The following NAALADL2 variants were observed in gnomAD, a reference collection of about 807,000 sequenced individuals.
NAALADL2 encodes N-acetylated alpha-linked acidic dipeptidase like 2.
NAALADL2 carries 76 observed loss-of-function variants against 87.2 expected under a neutral mutation model. The ratio of observed to expected loss-of-function variants is 0.87; its 90% CI spans 0.72 to 1.05. The LOEUF is 1.05. NAALADL2 is among the 50% of genes least tolerant of loss of function. NAALADL2 has a pLI of 0.00. For synonymous variants in NAALADL2, 354 were observed against 331.0 expected, an observed-to-expected ratio of 1.07 and a Z score of -0.75; for missense variants, 1,089 against 945.8, an observed-to-expected ratio of 1.15 and a Z score of -1.99.
intron 2 of NAALADL2, among the ~76,000 whole-genome samples, chr3:175,163,844 T>G (rs931561246): frequency 6.6e-6 from 1 of 152,174 alleles, no homozygotes; most frequent in Non-Finnish European, 1.5e-5. Flanking sequence ...GGAAGAAAAT[T>G]CAATGATTCA....
At chr3:174,966,582 A>T (rs1274560680) in intron 1 of NAALADL2, among the ~76,000 whole-genome samples, 1 of 152,174 alleles carries the variant, frequency 6.6e-6, no homozygotes, top group East Asian at 1.9e-4. Flanking sequence ...AGAGTGACAA[A>T]CAGATTTTTC....
intron 5 of NAALADL2, among the ~76,000 whole-genome samples, chr3:175,368,617 T>C (rs1308294335): frequency 6.6e-6 from 1 of 151,832 alleles, no homozygotes; most frequent in Non-Finnish European, 1.5e-5. Flanking sequence ...TATGTATATA[T>C]GTAGCAAATA....
intron 2 of NAALADL2, among the ~76,000 whole-genome samples, chr3:175,164,917 G>C (rs1733766504): frequency 6.6e-6 from 1 of 152,118 alleles, no homozygotes; most frequent in Non-Finnish European, 1.5e-5. Context: ...CAAAGGAATT[G>C]TGGAGAAAGG....
chr3:175,659,453 A>G (rs1731955129), intron 11 of NAALADL2, among the ~76,000 whole-genome samples: 1 of 152,188 alleles, frequency 6.6e-6, no homozygotes, highest in South Asian at 2.1e-4. Context: ...TTTCTTGGTA[A>G]CCAGCAGCAG....
chr3:175,280,009 T>G (rs1486690599), intron 4 of NAALADL2, among the ~76,000 whole-genome samples: 1 of 149,272 alleles, frequency 6.7e-6, no homozygotes, highest in Non-Finnish European at 1.5e-5. Flanking sequence ...AACTGGAAAG[T>G]TGTCTTTTCC....
intron 1 of NAALADL2, among the ~76,000 whole-genome samples, chr3:174,872,618 G>A (rs1476403212): frequency 1.3e-5 from 2 of 152,054 alleles, no homozygotes; most frequent in Non-Finnish European, 2.9e-5. Flanking sequence ...AGTAACTGCT[G>A]AAGCTAAGCT....
chr3:175,116,077 G>A (rs1425968174), intron 2 of NAALADL2, among the ~76,000 whole-genome samples: 7 of 151,806 alleles, frequency 4.6e-5, no homozygotes, highest in African/African-American at 1.2e-4. Flanking sequence ...TTGATGGGAC[G>A]TGTCTCAAAC....
intron 1 of NAALADL2, among the ~76,000 whole-genome samples, chr3:174,968,952 G>T (rs928071292): frequency 3.3e-5 from 5 of 152,040 alleles, no homozygotes; most frequent in Non-Finnish European, 5.9e-5. Flanking sequence ...CAATTCATCC[G>T]TATCATCTAA....
At chr3:175,420,904 C>T (rs1262169207) in intron 5 of NAALADL2, among the ~76,000 whole-genome samples, 5 of 151,940 alleles carry the variant, frequency 3.3e-5, no homozygotes, top group African/African-American at 1.2e-4. Flanking sequence ...GTTTGCCTAT[C>T]TGCATCCACA....
intron 4 of NAALADL2, among the ~76,000 whole-genome samples, chr3:175,279,963 T>C (rs549407016): frequency 1.3e-5 from 2 of 152,090 alleles, no homozygotes; most frequent in East Asian, 3.9e-4. Flanking sequence ...ATTGTGTGAA[T>C]AGGATTTTCT....
intron 1 of NAALADL2, among the ~76,000 whole-genome samples, chr3:174,531,204 TA>T (rs1221398212): frequency 6.6e-6 from 1 of 152,188 alleles, no homozygotes; most frequent in African/African-American, 2.4e-5. Flanking sequence ...AATCAACTTT[TA>T]TCACATTTTC....
intron 2 of NAALADL2, among the ~76,000 whole-genome samples, chr3:174,661,822 TGCACGC>T (rs1283531788): frequency 6.6e-6 from 1 of 151,994 alleles, no homozygotes; most frequent in Non-Finnish European, 1.5e-5. Flanking sequence ...TACACATGCG[TGCACGC>T]ACACACACAC....
chr3:174,683,598 GTAGA>G (rs1481666730), intron 2 of NAALADL2, among the ~76,000 whole-genome samples: 15 of 150,668 alleles, frequency 1.0e-4, no homozygotes, highest in Middle Eastern at 3.4e-3. Context: ...CAGATTTTAG[GTAGA>G]TAGAGTAAGA....
chr3:174,991,566 C>G (rs1163906135), intron 1 of NAALADL2, among the ~76,000 whole-genome samples: 2 of 152,014 alleles, frequency 1.3e-5, no homozygotes. Context: ...TATTCTGAAA[C>G]TCATCGCCCT....
intron 11 of NAALADL2, among the ~76,000 whole-genome samples, chr3:175,672,865 A>G (rs1734193484): frequency 6.6e-6 from 1 of 152,168 alleles, no homozygotes; most frequent in Non-Finnish European, 1.5e-5. Context: ...AATTTTGTGT[A>G]ATTTATAAGG....
chr3:175,117,884 G>C (rs1725513833), intron 2 of NAALADL2, among the ~76,000 whole-genome samples: 1 of 152,070 alleles, frequency 6.6e-6, no homozygotes, highest in Admixed American at 6.6e-5. Flanking sequence ...ATCAATGGTA[G>C]ACTGGATTAA....
At chr3:175,730,405 T>G (rs1409184606) in intron 11 of NAALADL2, among the ~76,000 whole-genome samples, 3 of 56,374 alleles carry the variant, frequency 5.3e-5, no homozygotes, top group African/African-American at 2.1e-4. Flanking sequence ...GATATATATA[T>G]ATATATATAT....
At chr3:175,390,023 G>A (rs1768883535) in intron 5 of NAALADL2, among the ~76,000 whole-genome samples, 1 of 151,966 alleles carries the variant, frequency 6.6e-6, no homozygotes, top group Non-Finnish European at 1.5e-5. Flanking sequence ...AGGGAATAAG[G>A]AATAAGATTT....
In NAALADL2 at chr3:175,599,429, A is replaced by T. The variant is rs150629457; in HGVS notation, c.1800+23242A>T. 8.0e-3 allele frequency among the ~76,000 whole-genome samples: 1,221 copies of T among 152,212 alleles called. 13 individuals carry two copies. The highest frequency in any genetic ancestry group is 0.028 in the African/African-American group (1,164 of 41,552). On this transcript the variant is annotated intron_variant, in intron 10 of 13. Coordinates refer to ENST00000454872, the MANE Select transcript of NAALADL2 (RefSeq NM_207015.3). ...AATTCCTTTATTTCTTTGAAAGTTT[A>T]AGTAGCTTTTATAGCTATGTAAATA...
Sources: gnomAD v4.1 joint callset for allele counts (sites outside exome capture counted in the v4.1 genomes callset) on GRCh38, gnomAD v4.1.1 for gene constraint, MANE v1.5 for transcripts, NCBI Gene and HGNC (gene_info 2026-07-23, HGNC 2026-07-21) for gene names.